Variants in CPQ observed in about 807,000 individuals in gnomAD.
CPQ encodes the protein Ser-Met dipeptidase.
A neutral mutation model predicts 45.7 loss-of-function variants in CPQ; 37 were observed. The ratio of observed to expected loss-of-function variants is 0.81; its 90% CI spans 0.62 to 1.07. The LOEUF is 1.07. CPQ is among the 50% of genes least tolerant of loss of function. CPQ has a pLI of 0.00. For missense variants in CPQ, 537 were observed against 572.9 expected, an observed-to-expected ratio of 0.94 and a Z score of 0.64; for synonymous variants, 186 against 205.8, an observed-to-expected ratio of 0.90 and a Z score of 0.82.
At chr8:96,774,531 G>A (rs560059534) in intron 1 of CPQ, among the ~76,000 whole-genome samples, 37 of 152,236 alleles carry the variant, frequency 2.4e-4, no homozygotes, top group African/African-American at 8.9e-4. Flanking sequence ...GGAAGTGATG[G>A]TAAGAGTGAA....
intron 3 of CPQ, among the ~76,000 whole-genome samples, chr8:96,852,621 T>C (rs1563513157): frequency 6.6e-6 from 1 of 152,296 alleles, no homozygotes; most frequent in East Asian, 1.9e-4. Flanking sequence ...CTTAGAGAAG[T>C]TTTTCACTCT....
chr8:96,817,692 C>T (rs533768080), intron 2 of CPQ, among the ~76,000 whole-genome samples: 22 of 151,982 alleles, frequency 1.4e-4, no homozygotes, highest in African/African-American at 5.1e-4. Context: ...TGGCTCACTG[C>T]AGCCTTGATC....
intron 5 of CPQ, among the ~76,000 whole-genome samples, chr8:96,991,472 C>A (rs1809090898): frequency 6.6e-6 from 1 of 151,796 alleles, no homozygotes; most frequent in Non-Finnish European, 1.5e-5. Flanking sequence ...ACAAGAATCA[C>A]TTGAACCTGG....
At chr8:97,091,530 C>G (rs1811124040) in intron 7 of CPQ, among the ~76,000 whole-genome samples, 1 of 152,116 alleles carries the variant, frequency 6.6e-6, no homozygotes, top group Non-Finnish European at 1.5e-5. Context: ...AGATCAGATA[C>G]CTTTGTAGCA....
At chr8:96,837,385 T>C (rs1048886952) in intron 3 of CPQ, among the ~76,000 whole-genome samples, 2 of 152,232 alleles carry the variant, frequency 1.3e-5, no homozygotes, top group African/African-American at 4.8e-5. Flanking sequence ...TCAAATTTAA[T>C]GGACATTTTT....
chr8:97,122,981 T>TAAAAA (rs1224428408), intron 7 of CPQ, among the ~76,000 whole-genome samples: 3 of 24,272 alleles, frequency 1.2e-4, no homozygotes, highest in African/African-American at 2.4e-4. Context: ...TAAAATAAAA[T>TAAAAA]TAAAATAAAA....
chr8:97,016,621 G>A (rs1011036509), intron 5 of CPQ, among the ~76,000 whole-genome samples: 8 of 152,132 alleles, frequency 5.3e-5, no homozygotes, highest in Non-Finnish European at 1.2e-4. Flanking sequence ...ATAGAGTTAT[G>A]CATGCAGTTC....
intron 2 of CPQ, among the ~76,000 whole-genome samples, chr8:96,803,736 A>G (rs1466451178): frequency 6.6e-6 from 1 of 152,192 alleles, no homozygotes; most frequent in African/African-American, 2.4e-5. Context: ...TCTTCAGTTA[A>G]ATTCTACAAA....
chr8:96,882,468 C>T (rs1454567382), intron 4 of CPQ, among the ~76,000 whole-genome samples: 1 of 152,156 alleles, frequency 6.6e-6, no homozygotes, highest in Admixed American at 6.6e-5. Flanking sequence ...AGGTAGCTAG[C>T]CCAGGGCTTG....
chr8:96,918,724 CACCTT>C (rs1335135531), intron 4 of CPQ, among the ~76,000 whole-genome samples: 2 of 152,080 alleles, frequency 1.3e-5, no homozygotes, highest in Admixed American at 6.6e-5. Context: ...CACCTCACCT[CACCTT>C]CCACTGTGCC....
At chr8:97,112,098 A>G (rs968244143) in intron 7 of CPQ, among the ~76,000 whole-genome samples, 3 of 151,996 alleles carry the variant, frequency 2.0e-5, no homozygotes, top group African/African-American at 7.2e-5. Context: ...CATTTCCTAT[A>G]AAATATGTTT....
At chr8:96,879,637 C>T (rs1812192897) in intron 3 of CPQ, among the ~76,000 whole-genome samples, 161 bp from the exon 4 acceptor site, 1 of 152,190 alleles carries the variant, frequency 6.6e-6, no homozygotes, top group Non-Finnish European at 1.5e-5. Flanking sequence ...ATAAAAATTA[C>T]ATTCACATCA....
intron 3 of CPQ, among the ~76,000 whole-genome samples, chr8:96,876,938 G>A (rs1812153867): frequency 6.6e-6 from 1 of 152,096 alleles, no homozygotes. Flanking sequence ...AGTAATGGTG[G>A]CCTTGTAGAA....
At chr8:96,800,860 T>G (rs1810997724) in intron 2 of CPQ, among the ~76,000 whole-genome samples, 1 of 151,936 alleles carries the variant, frequency 6.6e-6, no homozygotes, top group Non-Finnish European at 1.5e-5. Context: ...GAAATGGGGA[T>G]AAAAGAGAAC....
intron 1 of CPQ, among the ~76,000 whole-genome samples, chr8:96,757,294 T>A (rs1223132572): frequency 2.0e-5 from 3 of 151,176 alleles, no homozygotes; most frequent in African/African-American, 7.3e-5. Flanking sequence ...GAGGTTGCAG[T>A]GAGCCGAGAT....
At chr8:96,681,693 T>C (rs971029559) in intron 1 of CPQ, among the ~76,000 whole-genome samples, 17 of 152,140 alleles carry the variant, frequency 1.1e-4, no homozygotes, top group African/African-American at 3.9e-4. Context: ...GATCCACTGA[T>C]AGCTTGCACC....
intron 1 of CPQ, among the ~76,000 whole-genome samples, chr8:96,673,747 G>A (rs1176191519): frequency 6.6e-6 from 1 of 152,136 alleles, no homozygotes; most frequent in East Asian, 1.9e-4. Flanking sequence ...AAGATAGGGT[G>A]CAATCTGAGG....
At chr8:97,036,912 G>A (rs1359507607) in intron 6 of CPQ, among the ~76,000 whole-genome samples, 4 of 152,126 alleles carry the variant, frequency 2.6e-5, no homozygotes, top group Admixed American at 2.0e-4. Flanking sequence ...AATGAACACT[G>A]TTGTGTTCTG....
chr8:97,106,500 C>T (rs921570824), intron 7 of CPQ, among the ~76,000 whole-genome samples: 3 of 152,200 alleles, frequency 2.0e-5, no homozygotes, highest in Non-Finnish European at 4.4e-5. Context: ...TGCGGCACGG[C>T]GTCTAGAGCT....
Sources: gnomAD v4.1 joint callset for allele counts (sites outside exome capture counted in the v4.1 genomes callset) on GRCh38, gnomAD v4.1.1 for gene constraint, MANE v1.5 for transcripts, NCBI Gene and HGNC (gene_info 2026-07-23, HGNC 2026-07-21) for gene names.